Variants in NSD2 observed in about 807,000 individuals in gnomAD.
NSD2 encodes histone-lysine N-methyltransferase NSD2.
A neutral mutation model predicts 139.0 loss-of-function variants in NSD2; 12 were observed. That is an observed-to-expected ratio of 0.09 (90% CI 0.06 to 0.14). The LOEUF (loss-of-function observed/expected upper bound fraction) is 0.14, where lower values mean the gene tolerates loss of function less well. NSD2 is among the 10% of genes least tolerant of loss of function. The pLI, the probability that NSD2 is intolerant of heterozygous loss-of-function variation, is 1.00. For missense variants in NSD2, 1,155 were observed against 1,745.0 expected (o/e 0.66, Z 6.02); for synonymous variants, 669 against 648.7 (o/e 1.03, Z -0.48).
intron 1 of NSD2, among the ~76,000 whole-genome samples, chr4:1,873,401 T>G (rs1394105435): frequency 6.6e-6 from 1 of 152,222 alleles, no homozygotes; most frequent in Non-Finnish European, 1.5e-5. Flanking sequence ...AATATAACTT[T>G]TGGAGCCATG....
chr4:1,872,922 C>T (rs1326474951), intron 1 of NSD2, among the ~76,000 whole-genome samples: 2 of 152,064 alleles, frequency 1.3e-5, no homozygotes, highest in Admixed American at 6.6e-5. Context: ...GTGATGAGAA[C>T]AACAATATTT....
intron 1 of NSD2, among the ~76,000 whole-genome samples, chr4:1,890,889 G>T (rs1715478699): frequency 6.6e-6 from 1 of 151,966 alleles, no homozygotes; most frequent in Non-Finnish European, 1.5e-5. Flanking sequence ...AAGCCACCAC[G>T]CCCGGCCTTT....
chr4:1,978,504 C>T, intron 21 of NSD2, 134 bp from the exon 22 acceptor site: 1 of 1,295,156 alleles, frequency 7.7e-7, no homozygotes, highest in Non-Finnish European at 1.1e-6. Context: ...AGTTTGTCTG[C>T]CCGTCCTGTT....
chr4:1,925,883 C>T (rs1371244348), intron 5 of NSD2, among the ~76,000 whole-genome samples: 1 of 151,896 alleles, frequency 6.6e-6, no homozygotes, highest in African/African-American at 2.4e-5. Flanking sequence ...CTTGCCACAG[C>T]CTTGACCTCC....
chr4:1,923,042 G>T (rs1013248707), intron 5 of NSD2, among the ~76,000 whole-genome samples: 1 of 152,186 alleles, frequency 6.6e-6, no homozygotes, highest in African/African-American at 2.4e-5. Context: ...CAGTTGCGTG[G>T]GAGGTCTGCA....
At chr4:1,895,175 A>C (rs1716095398) in intron 1 of NSD2, among the ~76,000 whole-genome samples, 1 of 152,218 alleles carries the variant, frequency 6.6e-6, no homozygotes, top group Admixed American at 6.5e-5. Flanking sequence ...TTGGTTATCT[A>C]TTCATCTGTT....
At chr4:1,931,560 T>C (rs910463894) in intron 6 of NSD2, among the ~76,000 whole-genome samples, 7 of 152,170 alleles carry the variant, frequency 4.6e-5, no homozygotes, top group African/African-American at 1.2e-4. Context: ...AGAGTCATCA[T>C]TGAGGAGCTT....
At position 1,938,439 on chromosome 4, in the gene NSD2, T is replaced by TTTTTTTTTTTTTC; in HGVS notation, c.1675-10_1675-9insTTTTTTTTTTCTT. ...TTCTTTTTTTTTTTTTTTTTTTTTT[T>TTTTTTTTTTTTTC]TTAAATAATAGAGAGACACAATCAC... On this transcript the variant is annotated splice_polypyrimidine_tract_variant and intron_variant, in intron 7 of 21. Transcript: ENST00000508803. 1 of 1,305,258 alleles carries TTTTTTTTTTTTTC rather than the reference T, an allele frequency of 7.7e-7. No individual in the cohort carries two copies. Among genetic ancestry groups the TTTTTTTTTTTTTC allele is most frequent in the Non-Finnish European group, 1.0e-6 (1 of 974,286 alleles). The allele number at this position is 1,305,258 out of a possible 1,614,324, so 80.9% of individuals were successfully genotyped here. A position where few individuals can be genotyped will look rare whatever the true frequency, so the allele number is the denominator to read the frequency against.
rs761204359 is a variant in NSD2 at position 1,955,190 on chromosome 4, G to A, written c.2368G>A (p.Val790Ile). 2.0e-5 allele frequency: 32 copies of A among 1,612,998 alleles called. No individual in the cohort carries two copies. The highest frequency in any genetic ancestry group is 9.9e-5 in the South Asian group (9 of 91,074). ...GKMMRCVRCP[V>I]AYHSGDACLA... ...AATGATGCGGTGTGTCCGCTGCCCC[G>A]TTGCCTATCACAGCGGGGATGCTTG... The change falls in exon 13 of 22, where the codon GTT (valine) becomes ATT (isoleucine). Residue 790 changes from valine (V) to isoleucine (I), a missense_variant. Val to Ile is a conservative substitution (Grantham distance 29, BLOSUM62 3). Around this residue, in one of 8 missense-constraint regions of NSD2, gnomAD observed 120 missense variants for 239.3 expected, o/e 0.50. Transcript: ENST00000508803. The surrounding 1 kb of genome is among the most constrained non-coding windows in gnomAD (Gnocchi z 4.7).
chr4:1,957,823 G>T, intron 15 of NSD2, 110 bp from the exon 16 acceptor site: 1 of 1,057,174 alleles, frequency 9.5e-7, no homozygotes, highest in South Asian at 1.6e-5. Context: ...ATGGGAACCA[G>T]AAACTATACT....
chr4:1,951,525 A>G (rs534017227), intron 10 of NSD2, among the ~76,000 whole-genome samples: 1 of 130,196 alleles, frequency 7.7e-6, no homozygotes, highest in Admixed American at 7.8e-5. Context: ...CACACACACA[A>G]AGTTCCTGTT....
Position 1,935,197 on chromosome 4 carries a change from G to A in NSD2, c.1609G>A (p.Glu537Lys). The A allele has an allele frequency of 6.2e-7, 1 of 1,613,806 alleles. No homozygotes were observed. The highest frequency in any genetic ancestry group is 1.1e-5 in the South Asian group (1 of 91,040). Residue 537 changes from glutamate (E) to lysine (K), a missense_variant, in exon 7 of 22, where the codon GAA becomes AAA. Physicochemically the swap from Glu to Lys is moderately conservative, Grantham distance 56. This residue lies in a region of NSD2 where 420 missense variants were observed against 469.0 expected (regional missense o/e 0.90). Coordinates refer to ENST00000508803, the MANE Select transcript of NSD2 (RefSeq NM_001042424.3). ...NHTKRIQDPT[E>K]DAEAEDTPRK... ...CACAAAGAGGATACAGGACCCTACA[G>A]AAGATGCTGAAGCTGAGGACACACC... is the stretch of plus-strand genomic sequence containing the variant.
At chr4:1,951,443 T>TACACACACACACAC (rs71167763) in intron 10 of NSD2, among the ~76,000 whole-genome samples, 6 of 101,030 alleles carry the variant, frequency 5.9e-5, no homozygotes, top group African/African-American at 1.6e-4. Flanking sequence ...CATCATGTAA[T>TACACACACACACAC]ACACACACAC....
chr4:1,933,498 T>C (rs1209305497), intron 6 of NSD2, among the ~76,000 whole-genome samples: 2 of 152,148 alleles, frequency 1.3e-5, no homozygotes, highest in African/African-American at 4.8e-5. Flanking sequence ...CATGCCATTC[T>C]CCTACCTCAG....
In NSD2 at chr4:1,949,817, T is replaced by G. The variant is rs532979653; in HGVS notation, c.1882-1255T>G. On this transcript the variant is annotated intron_variant, in intron 9 of 21. Coordinates refer to ENST00000508803, the MANE Select transcript of NSD2 (RefSeq NM_001042424.3). ...ACACTACTCTGAAGTCAGCAAACACTTCTGTGTTAGTTTTTAATTTGTTTT... is the reference window on the plus strand; with the variant it reads ...ACACTACTCTGAAGTCAGCAAACACGTCTGTGTTAGTTTTTAATTTGTTTT... 4.0e-5 allele frequency among the ~76,000 whole-genome samples: 6 copies of G among 151,348 alleles called. No homozygotes were observed. The East Asian group carries it at 1.2e-3, about 29-fold the overall frequency.
intron 9 of NSD2, chr4:1,940,464 C>T (rs555556938): frequency 5.3e-5 from 56 of 1,063,214 alleles, no homozygotes; most frequent in African/African-American, 6.6e-5. Flanking sequence ...AATTTTTTGC[C>T]GTTGCCAAAA....
intron 17 of NSD2, 55 bp from the exon 18 acceptor site, chr4:1,960,980 C>T (rs1331458437): frequency 4.1e-5 from 60 of 1,457,968 alleles, no homozygotes; most frequent in Non-Finnish European, 5.6e-5. Flanking sequence ...TGAGCCCCGA[C>T]ACTGAGGATT....
rs141132577 is a variant in NSD2 at position 1,935,241 on chromosome 4, G to A, written c.1653G>A (p.Thr551=). The A allele has an allele frequency of 1.6e-4, 256 of 1,612,624 alleles. 1 individual carries two copies. The highest frequency in any genetic ancestry group is 2.0e-4 in the Non-Finnish European group (238 of 1,179,198). ...AEDTPRKRLR[T]DKHSLRKRDT... is the part of the protein sequence containing the mutation. The stretch of plus-strand genomic sequence containing the variant: ...ACACACCCAGGAAAAGACTCAGGAC[G>A]GACAAGCACAGTCTTCGGAAGGTAA... The change falls in exon 7 of 22, where the codon ACG becomes ACA. Residue 551 remains threonine (T), a synonymous_variant. Coordinates refer to ENST00000508803, the MANE Select transcript of NSD2 (RefSeq NM_001042424.3).
At chr4:1,929,912 C>T (rs917989965) in intron 5 of NSD2, among the ~76,000 whole-genome samples, 1 of 152,218 alleles carries the variant, frequency 6.6e-6, no homozygotes. Flanking sequence ...CAGGTTATTA[C>T]CAGGTGGAGC....
Sources: gnomAD v4.1 joint callset for allele counts (sites outside exome capture counted in the v4.1 genomes callset) on GRCh38, gnomAD v4.1.1 for gene constraint, gnomAD v4.1.1 regional missense constraint, Gnocchi (gnomAD v3.1) non-coding constraint, MANE v1.5 for transcripts, NCBI Gene and HGNC (gene_info 2026-07-23, HGNC 2026-07-21) for gene names.